The following SLC25A21 variants were observed in gnomAD, a reference collection of about 807,000 sequenced individuals.
SLC25A21 encodes the protein solute carrier family 25 member 21.
In SLC25A21, 47 loss-of-function variants were observed where a neutral mutation model predicts 43.8. The observed-to-expected ratio is 1.07, with a 90% confidence interval of 0.85 to 1.37. The LOEUF (loss-of-function observed/expected upper bound fraction) is 1.37, where lower values mean the gene tolerates loss of function less well. Among genes scored for constraint, SLC25A21 ranks in the 40% most tolerant of loss-of-function variants. The probability of loss-of-function intolerance (pLI) is 0.00; values close to 1 mark genes in which losing one functional copy is unlikely to be tolerated. For synonymous variants in SLC25A21, 131 were observed against 121.3 expected (o/e 1.08, Z -0.52); for missense variants, 352 against 350.2 (o/e 1.00, Z -0.04).
At chr14:36,719,063 T>A (rs1006192084) in intron 6 of SLC25A21, among the ~76,000 whole-genome samples, 1 of 152,124 alleles carries the variant, frequency 6.6e-6, no homozygotes. Flanking sequence ...AAGGAAAACA[T>A]AACCCTTTAG....
At chr14:36,882,486 T>C (rs1198663130) in intron 1 of SLC25A21, among the ~76,000 whole-genome samples, 2 of 152,196 alleles carry the variant, frequency 1.3e-5, no homozygotes, top group African/African-American at 4.8e-5. Flanking sequence ...CCAGACACTG[T>C]AGTCTATGTG....
chr14:36,762,203 T>A (rs2139280380), intron 3 of SLC25A21, among the ~76,000 whole-genome samples: 1 of 152,354 alleles, frequency 6.6e-6, no homozygotes, highest in African/African-American at 2.4e-5. Context: ...GTAATAATGA[T>A]CATATCACTA....
chr14:37,055,654 A>G (rs1961808710), intron 1 of SLC25A21, among the ~76,000 whole-genome samples: 1 of 152,148 alleles, frequency 6.6e-6, no homozygotes, highest in South Asian at 2.1e-4. Context: ...TCCAGGTGAC[A>G]GTCTAGCTGA....
rs1448166239 is a variant in SLC25A21, at chr14:37,146,731, C to T, written c.70+25550G>A. On this transcript the variant is annotated intron_variant, in intron 1 of 9. Coordinates refer to ENST00000331299, the MANE Select transcript of SLC25A21 (RefSeq NM_030631.4). ...CTTACAGATCAATAAAATTTAAAAA[C>T]TAGGGTATTTTATTTTAATTTAATA... Among the ~76,000 whole-genome samples, 4 of 152,036 alleles carry T rather than the reference C, an allele frequency of 2.6e-5. No homozygotes were observed. In the East Asian group the frequency reaches 7.7e-4, roughly 29 times the overall value.
chr14:36,912,886 TG>T (rs1470133952), intron 1 of SLC25A21, among the ~76,000 whole-genome samples: 1 of 152,200 alleles, frequency 6.6e-6, no homozygotes, highest in African/African-American at 2.4e-5. Flanking sequence ...CCACCCATTC[TG>T]AACTGTGAGT....
chr14:37,057,387 A>G (rs1315743222), intron 1 of SLC25A21, among the ~76,000 whole-genome samples: 1 of 152,182 alleles, frequency 6.6e-6, no homozygotes, highest in Admixed American at 6.5e-5. Flanking sequence ...TTTAAATTGG[A>G]AAATTTTAGC....
chr14:37,024,332 G>A (rs773260316), intron 1 of SLC25A21, among the ~76,000 whole-genome samples: 12 of 151,942 alleles, frequency 7.9e-5, no homozygotes, highest in Non-Finnish European at 1.3e-4. Context: ...ACTGTCTAAT[G>A]GTAGTGTCAT....
chr14:36,898,500 G>A (rs534020125), intron 1 of SLC25A21, among the ~76,000 whole-genome samples: 73 of 152,214 alleles, frequency 4.8e-4, no homozygotes, highest in Middle Eastern at 6.8e-3. Flanking sequence ...GTGATGCCTC[G>A]CCCTGCTTTG....
At chr14:36,895,221 C>T (rs1239429863) in intron 1 of SLC25A21, among the ~76,000 whole-genome samples, 2 of 152,026 alleles carry the variant, frequency 1.3e-5, no homozygotes, top group African/African-American at 4.8e-5. Context: ...TTTCAGAGCC[C>T]ATTATTGGTC....
chr14:36,756,777 TA>T (rs1885949029), intron 3 of SLC25A21, among the ~76,000 whole-genome samples: 1 of 152,164 alleles, frequency 6.6e-6, no homozygotes, highest in African/African-American at 2.4e-5. Context: ...TGTTTCATCA[TA>T]AAAGCAATAC....
chr14:37,007,781 T>C (rs1318967581), intron 1 of SLC25A21, among the ~76,000 whole-genome samples: 1 of 152,120 alleles, frequency 6.6e-6, no homozygotes, highest in Non-Finnish European at 1.5e-5. Flanking sequence ...GAAAGCATGA[T>C]AGGCATATTT....
intron 1 of SLC25A21, among the ~76,000 whole-genome samples, chr14:36,876,910 T>C (rs998594941): frequency 7.4e-6 from 1 of 135,468 alleles, no homozygotes; most frequent in South Asian, 2.5e-4. Context: ...GATAGATAGA[T>C]AGATAGATAG....
At chr14:36,776,495 G>A (rs1044345152) in intron 3 of SLC25A21, among the ~76,000 whole-genome samples, 1 of 151,666 alleles carries the variant, frequency 6.6e-6, no homozygotes, top group African/African-American at 2.4e-5. Context: ...GCCTCGGCTA[G>A]GATTACAAAG....
chr14:36,790,850 TG>T (rs1464844405), intron 3 of SLC25A21, among the ~76,000 whole-genome samples: 1 of 152,130 alleles, frequency 6.6e-6, no homozygotes, highest in African/African-American at 2.4e-5. Flanking sequence ...ACAGCACTGT[TG>T]TACTGGAAAA....
intron 1 of SLC25A21, among the ~76,000 whole-genome samples, chr14:37,006,606 C>T (rs1960609713): frequency 6.6e-6 from 1 of 151,986 alleles, no homozygotes; most frequent in Admixed American, 6.6e-5. Flanking sequence ...TTCATACTGC[C>T]CGATCTATCA....
intron 1 of SLC25A21, among the ~76,000 whole-genome samples, chr14:36,982,835 C>CA (rs569316760): frequency 0.1 from 11,032 of 109,710 alleles, 431 homozygotes; most frequent in African/African-American, 0.16. Context: ...ACAACAACAA[C>CA]AACAAACAAA....
At chr14:36,741,725 G>A (rs1268770039) in intron 3 of SLC25A21, among the ~76,000 whole-genome samples, 1 of 152,150 alleles carries the variant, frequency 6.6e-6, no homozygotes, top group African/African-American at 2.4e-5. Flanking sequence ...GCTTTCACCT[G>A]GATCCCACTT....
At chr14:37,056,247 T>G (rs1312922059) in intron 1 of SLC25A21, among the ~76,000 whole-genome samples, 1 of 152,080 alleles carries the variant, frequency 6.6e-6, no homozygotes, top group Non-Finnish European at 1.5e-5. Context: ...TCCCAGCACT[T>G]TGGGAGGCCG....
intron 1 of SLC25A21, among the ~76,000 whole-genome samples, chr14:36,927,007 T>C (rs1012763442): frequency 3.3e-5 from 5 of 151,908 alleles, no homozygotes; most frequent in African/African-American, 1.2e-4. Context: ...CCAACTCTAC[T>C]AGAAATGCAA....
Sources: allele counts gnomAD v4.1 joint callset (sites outside exome capture counted in the v4.1 genomes callset), GRCh38; gene constraint gnomAD v4.1.1; transcripts MANE v1.5; gene names NCBI Gene and HGNC (gene_info 2026-07-23, HGNC 2026-07-21).